Variants in GMNC observed in about 807,000 individuals in gnomAD.
GMNC encodes geminin coiled-coil domain-containing protein 1.
Under a neutral mutation model 33.6 loss-of-function variants are expected in GMNC, and 16 were observed. The observed-to-expected ratio is 0.48, with a 90% CI of 0.32 to 0.72. The LOEUF is 0.72. Among genes scored for constraint, GMNC ranks in the 30% least tolerant of loss-of-function variants. The pLI, the probability that GMNC is intolerant of heterozygous loss-of-function variation, is 0.03. For missense variants in GMNC, 393 were observed against 388.9 expected (o/e 1.01, Z -0.09); for synonymous variants, 156 against 147.3 (o/e 1.06, Z -0.43).
rs1475621383 is a variant in GMNC at position 190,860,669 on chromosome 3, A to G, written c.178+15T>C. The G allele has an allele frequency of 5.8e-6, 9 of 1,539,252 alleles. No homozygotes were observed. Among genetic ancestry groups the G allele is most frequent in the Admixed American group, 2.0e-5 (1 of 50,546 alleles). ...AGCTCCAGATCTATCAGGGAAGCAG[A>G]AGAGCAGAACTTACCCTGTGCCTGT... On this transcript the variant is annotated intron_variant, in intron 2 of 4. Coordinates refer to ENST00000442080, the MANE Select transcript of GMNC (RefSeq NM_001146686.3).
Position 190,861,821 on chromosome 3 carries a change from C to G in GMNC, c.3+792G>C, listed in dbSNP as rs954456362. ...CCTTCCTGGGTTAATTTGTACAACA[C>G]CAAATTTAAATTATTTGTCAATGTT... On this transcript the variant is annotated intron_variant, in intron 1 of 4. Coordinates refer to ENST00000442080, the MANE Select transcript of GMNC (RefSeq NM_001146686.3). The surrounding 1 kb of genome is among the most constrained non-coding windows in gnomAD (Gnocchi z 5.1). 6.6e-6 allele frequency among the ~76,000 whole-genome samples: 1 copy of G among 152,118 alleles called. No individual in the cohort carries two copies. The highest frequency in any genetic ancestry group is 1.5e-5 in the Non-Finnish European group (1 of 68,038).
At chr3:190,858,334 T>C (rs1444188994) in intron 3 of GMNC, among the ~76,000 whole-genome samples, 1 of 151,926 alleles carries the variant, frequency 6.6e-6, no homozygotes, top group African/African-American at 2.4e-5. Context: ...GTCCACTAGG[T>C]TAAATTAAAT....
rs947211913 is a variant in GMNC at position 190,861,506 on chromosome 3, CTA to C, written c.4-650_4-649del. On this transcript the variant is annotated intron_variant, in intron 1 of 4. Coordinates refer to ENST00000442080, the MANE Select transcript of GMNC (RefSeq NM_001146686.3). The surrounding 1 kb of genome is among the most constrained non-coding windows in gnomAD (Gnocchi z 5.1). ...TCTATCTATCTATCTATCTATCTAT[CTA>C]TCTCTGTCCCAGAGATAATTAAAAC... 6.7e-6 allele frequency among the ~76,000 whole-genome samples: 1 copy of C among 149,666 alleles called. No individual in the cohort carries two copies. Among genetic ancestry groups the C allele is most frequent in the African/African-American group, 2.5e-5 (1 of 40,606 alleles).
At chr3:190,856,380 T>C (rs1577911079) in intron 4 of GMNC, among the ~76,000 whole-genome samples, 2 of 142,146 alleles carry the variant, frequency 1.4e-5, no homozygotes, top group African/African-American at 2.6e-5. Flanking sequence ...TAGAAATAGA[T>C]ATATTTATAA....
rs2108529040 is a variant in GMNC, at chr3:190,853,192, A to C, written c.*2103T>G. ...GTACTTAACACATGATAAGGCACAC[A>C]AAGAATGCAAAATAAATATTTGTTA... On this transcript the variant is annotated 3_prime_UTR_variant, in exon 5 of 5. Coordinates refer to ENST00000442080, the MANE Select transcript of GMNC (RefSeq NM_001146686.3). 6.6e-6 allele frequency: 1 copy of C among 152,294 alleles called. No homozygotes were observed. The highest frequency in any genetic ancestry group is 1.9e-4 in the East Asian group (1 of 5,186). The allele number at this position is 152,294 out of a possible 1,614,324, so 9.4% of individuals were successfully genotyped here.
Position 190,855,293 on chromosome 3 carries a change from C to T in GMNC, c.*2G>A, listed in dbSNP as rs962259763. The T allele has an allele frequency of 1.4e-5, 21 of 1,550,766 alleles. No homozygotes were observed. Among genetic ancestry groups the T allele is most frequent in the Admixed American group, 9.8e-5 (5 of 50,968 alleles). On this transcript the variant is annotated 3_prime_UTR_variant, in exon 5 of 5. Coordinates refer to ENST00000442080, the MANE Select transcript of GMNC (RefSeq NM_001146686.3). ...CAGTGCTTTGTGATAAAAGAGGGGT[C>T]ACTAAGACTGCTTAGGGACCCAGGT... is the stretch of plus-strand genomic sequence containing the variant.
At position 190,861,453 on chromosome 3, in the gene GMNC, ATCAT is replaced by A. The variant is rs1369348687; in HGVS notation, c.4-599_4-596del. ...TATCTGTCTGTCTGTCTGTCTGCCTATCATCTATCTATCTATCTATCTATCTATC... is the reference window on the plus strand; with the variant it reads ...TATCTGTCTGTCTGTCTGTCTGCCTACTATCTATCTATCTATCTATCTATC... On this transcript the variant is annotated intron_variant, in intron 1 of 4. Coordinates refer to ENST00000442080, the MANE Select transcript of GMNC (RefSeq NM_001146686.3). The surrounding 1 kb of genome is among the most constrained non-coding windows in gnomAD (Gnocchi z 5.1). Among the ~76,000 whole-genome samples the A allele has an allele frequency of 5.0e-5, 7 of 139,670 alleles. No homozygotes were observed. The highest frequency in any genetic ancestry group is 7.8e-5 in the Non-Finnish European group (5 of 64,294). 91.6% of individuals were successfully genotyped at this position (139,670 alleles called of 152,430 possible).
chr3:190,846,733 CTT>C, the GMNC span, among the ~76,000 whole-genome samples: 3 of 152,202 alleles, frequency 2.0e-5, no homozygotes, highest in Non-Finnish European at 4.4e-5. Context: ...TCAACAGCCA[CTT>C]GTGAGTCTGT....
intron 2 of GMNC, chr3:190,859,635 A>T (rs550449257): frequency 4.6e-6 from 1 of 218,854 alleles, no homozygotes; most frequent in Non-Finnish European, 9.5e-6. Flanking sequence ...TATCTGTTTC[A>T]ACTGTCCTAA....
At chr3:190,845,508 C>CTTTTTTTTTTTTTTTTTTTTT in the GMNC span, among the ~76,000 whole-genome samples, 1 of 125,830 alleles carries the variant, frequency 7.9e-6, no homozygotes, top group Non-Finnish European at 1.6e-5. Flanking sequence ...ATTTTGAAAC[C>CTTTTTTTTTTTTTTTTTTTTT]TTTTTTTTTT....
At chr3:190,849,850 A>G (rs369683496), downstream of GMNC, among the ~76,000 whole-genome samples, 44 of 152,332 alleles carry the variant, frequency 2.9e-4, no homozygotes, top group South Asian at 6.6e-3. Flanking sequence ...AGTTATACTG[A>G]AAAGGAATGA....
At position 190,861,725 on chromosome 3, in the gene GMNC, CT is replaced by C. The variant is rs1737876232; in HGVS notation, c.4-868del. Among the ~76,000 whole-genome samples, 1 of 152,160 alleles carries C rather than the reference CT, an allele frequency of 6.6e-6. No homozygotes were observed. The highest frequency in any genetic ancestry group is 2.1e-4 in the South Asian group (1 of 4,830). ...ACTGTGTTCTGATCCAGTGAACACTCTCCTGCCTTCCACTTCTTGAACCTCA... is the reference window on the plus strand; with the variant it reads ...ACTGTGTTCTGATCCAGTGAACACTCCCTGCCTTCCACTTCTTGAACCTCA... On this transcript the variant is annotated intron_variant, in intron 1 of 4. Coordinates refer to ENST00000442080, the MANE Select transcript of GMNC (RefSeq NM_001146686.3). This position sits in a 1 kb window ranked among gnomAD's most constrained non-coding sequence, Gnocchi z 5.1.
At chr3:190,858,877 G>T in intron 3 of GMNC, 51 bp downstream of exon 3, 2 of 1,065,582 alleles carry the variant, frequency 1.9e-6, no homozygotes, top group South Asian at 1.5e-5. Flanking sequence ...TAGCAGTGGG[G>T]AATGGACCAC....
chr3:190,852,664 A>G (rs1737653085), downstream of GMNC, among the ~76,000 whole-genome samples: 2 of 152,128 alleles, frequency 1.3e-5, no homozygotes, highest in East Asian at 1.9e-4. Flanking sequence ...TGCTGAAGTC[A>G]TTAGTCTGGC....
At chr3:190,844,951 C>T in the GMNC span, among the ~76,000 whole-genome samples, 1 of 151,678 alleles carries the variant, frequency 6.6e-6, no homozygotes, top group African/African-American at 2.4e-5. Flanking sequence ...AATAAATTAC[C>T]CTATAAAATA....
In GMNC at chr3:190,857,811, A is replaced by G. The variant is rs2108531983; in HGVS notation, c.356T>C (p.Leu119Ser). ...GGCCTTTTCTTCAAGACATTTAACC[A>G]AAGCAGAATTCAGGTATTGTCTGAG... ...NHLRQYLNSA[L>S]VKCLEEKAKK... Residue 119 changes from leucine (L) to serine (S), a missense_variant, in exon 4 of 5, where the codon TTG becomes TCG. Transcript: ENST00000442080. 6.5e-7 allele frequency: 1 copy of G among 1,547,940 alleles called. No homozygotes were observed. Among genetic ancestry groups the G allele is most frequent in the Non-Finnish European group, 8.7e-7 (1 of 1,143,598 alleles).
At chr3:190,847,612 T>G in the GMNC span, among the ~76,000 whole-genome samples, 1 of 152,206 alleles carries the variant, frequency 6.6e-6, no homozygotes, top group Non-Finnish European at 1.5e-5. Flanking sequence ...CCTCTTTCAT[T>G]GCCCTGGATC....
rs1737683033 is a variant in GMNC at position 190,854,152 on chromosome 3, A to AT, written c.*1142dup. 6.6e-6 allele frequency: 1 copy of AT among 152,198 alleles called. No individual in the cohort carries two copies. Among genetic ancestry groups the AT allele is most frequent in the Admixed American group, 6.6e-5 (1 of 15,266 alleles). The allele number at this position is 152,198 out of a possible 1,614,324, so 9.4% of individuals were successfully genotyped here. On this transcript the variant is annotated 3_prime_UTR_variant, in exon 5 of 5. Coordinates refer to ENST00000442080, the MANE Select transcript of GMNC (RefSeq NM_001146686.3). ...ACCTGAAACTGCCATGTTGGAGTAA[A>AT]TCTGATAGGACCCAGCCTCAATTCA...
At position 190,853,675 on chromosome 3, in the gene GMNC, G is replaced by A. The variant is rs531974181; in HGVS notation, c.*1620C>T. 3.9e-5 allele frequency: 6 copies of A among 152,098 alleles called. No individual in the cohort carries two copies. Among genetic ancestry groups the A allele is most frequent in the Middle Eastern group, 3.4e-3 (1 of 290 alleles). The allele number at this position is 152,098 out of a possible 1,614,324, so 9.4% of individuals were successfully genotyped here. On this transcript the variant is annotated 3_prime_UTR_variant, in exon 5 of 5. Transcript: ENST00000442080. Reference sequence around the variant, plus strand: ...AGATGACTTATTGAGATGTGGAAAAGAGAAAAATGAGAACAGGTTTCAACA... The same window carrying A: ...AGATGACTTATTGAGATGTGGAAAAAAGAAAAATGAGAACAGGTTTCAACA...
Sources: allele counts gnomAD v4.1 joint callset (sites outside exome capture counted in the v4.1 genomes callset), GRCh38; gene constraint gnomAD v4.1.1; non-coding constraint Gnocchi (gnomAD v3.1); transcripts MANE v1.5; gene names NCBI Gene and HGNC (gene_info 2026-07-23, HGNC 2026-07-21).